The following ABCA13 variants were observed in gnomAD, a reference collection of about 807,000 sequenced individuals.
ABCA13 encodes the protein ATP binding cassette subfamily A member 13.
In ABCA13, 476 loss-of-function variants were observed where a neutral mutation model predicts 478.7. The ratio of observed to expected loss-of-function variants is 0.99; its 90% CI spans 0.92 to 1.07. ABCA13 has a LOEUF of 1.07. ABCA13 is among the 50% of genes least tolerant of loss of function. The pLI is 0.00. For missense variants in ABCA13, 6,060 were observed against 5,910.6 expected, an observed-to-expected ratio of 1.03 and a Z score of -0.83; for synonymous variants, 2,252 against 2,158.9, an observed-to-expected ratio of 1.04 and a Z score of -1.20.
At chr7:48,595,626 T>C (rs778923973) in intron 58 of ABCA13, among the ~76,000 whole-genome samples, 32 of 152,084 alleles carry the variant, frequency 2.1e-4, no homozygotes, top group Non-Finnish European at 3.5e-4. Flanking sequence ...GTAGCCAGAG[T>C]GTCAGCATGG....
At chr7:48,314,515 C>T in intron 26 of ABCA13, 106 bp downstream of exon 26, 1 of 1,070,612 alleles carries the variant, frequency 9.3e-7, no homozygotes, top group Non-Finnish European at 1.3e-6. Context: ...TTGCTATATA[C>T]TGGCATAGAA....
chr7:48,444,463 G>A (rs1484091224), intron 42 of ABCA13, among the ~76,000 whole-genome samples: 1 of 152,132 alleles, frequency 6.6e-6, no homozygotes, highest in Non-Finnish European at 1.5e-5. Flanking sequence ...TCTCTAAGCT[G>A]TATCCAGCAT....
chr7:48,403,626 T>A (rs993250945), intron 38 of ABCA13, 57 bp from the exon 39 acceptor site: 2 of 1,542,818 alleles, frequency 1.3e-6, no homozygotes, highest in Admixed American at 3.7e-5. Flanking sequence ...GGAGTGAAAT[T>A]AGAAGCAAAG....
At chr7:48,424,396 G>T (rs528093949) in intron 41 of ABCA13, among the ~76,000 whole-genome samples, 2 of 152,200 alleles carry the variant, frequency 1.3e-5, no homozygotes, top group African/African-American at 4.8e-5. Flanking sequence ...AGATAAGAAG[G>T]AATACAGTGA....
rs1796175928 is a variant in ABCA13, at chr7:48,275,459, A to G, written c.5793A>G (p.Ser1931=). The G allele has an allele frequency of 1.9e-6, 3 of 1,613,934 alleles. No individual in the cohort carries two copies. Among genetic ancestry groups the G allele is most frequent in the Non-Finnish European group, 2.5e-6 (3 of 1,179,856 alleles). The change falls in exon 17 of 62, where the codon TCA becomes TCG. Residue 1931 remains serine, a synonymous_variant. Coordinates refer to ENST00000435803, the MANE Select transcript of ABCA13 (RefSeq NM_152701.5). ...AGATATTACCGTTTGTCCCACCTTC[A>G]ATAAATCAAACTAGGGATAGCATCT... ...WHKILPFVPP[S]INQTRDSISE...
In ABCA13 at chr7:48,316,790, G is replaced by C. The variant is rs181445367; in HGVS notation, c.9860-367G>C. ...CACAGGACAAGAGAGGAAGCAAGAG[G>C]GGGGAGGAGGGAGATGCCAGGCTGT... On this transcript the variant is annotated intron_variant, in intron 26 of 61. Coordinates refer to ENST00000435803, the MANE Select transcript of ABCA13 (RefSeq NM_152701.5). 3.9e-3 allele frequency among the ~76,000 whole-genome samples: 589 copies of C among 152,308 alleles called. 5 individuals carry two copies. The highest frequency in any genetic ancestry group is 6.7e-3 in the Non-Finnish European group (455 of 68,024).
chr7:48,556,575 T>A (rs1023811155), intron 55 of ABCA13, among the ~76,000 whole-genome samples: 10 of 152,186 alleles, frequency 6.6e-5, no homozygotes, highest in South Asian at 4.1e-4. Context: ...TGTCTCTTCT[T>A]ATGGATTTTG....
intron 42 of ABCA13, among the ~76,000 whole-genome samples, chr7:48,452,910 C>A (rs1020546179): frequency 6.6e-6 from 1 of 152,090 alleles, no homozygotes; most frequent in Non-Finnish European, 1.5e-5. Context: ...AAATACTTAT[C>A]CTAATAAATA....
intron 17 of ABCA13, among the ~76,000 whole-genome samples, 157 bp downstream of exon 17, chr7:48,276,722 G>C (rs1796356431): frequency 6.6e-6 from 1 of 152,148 alleles, no homozygotes; most frequent in Non-Finnish European, 1.5e-5. Flanking sequence ...TTATCAAAAT[G>C]TCAAGGTAAA....
chr7:48,566,746 G>A (rs894163753), intron 55 of ABCA13, among the ~76,000 whole-genome samples: 4 of 152,206 alleles, frequency 2.6e-5, no homozygotes, highest in African/African-American at 4.8e-5. Flanking sequence ...GTTGGTCTTC[G>A]TAGATCCTTA....
At chr7:48,348,023 C>G (rs1213126677) in intron 29 of ABCA13, among the ~76,000 whole-genome samples, 1 of 152,190 alleles carries the variant, frequency 6.6e-6, no homozygotes, top group East Asian at 1.9e-4. Context: ...TCCATCTGAC[C>G]CATAGTCCAC....
At chr7:48,203,712 A>T (rs2081961662) in intron 3 of ABCA13, among the ~76,000 whole-genome samples, 1 of 152,202 alleles carries the variant, frequency 6.6e-6, no homozygotes, top group African/African-American at 2.4e-5. Context: ...TTTAATTTAA[A>T]ATGCTTTGTA....
chr7:48,230,035 A>G lies in ABCA13; in HGVS notation c.763+80A>G, dbSNP rs535590945. 4.9e-6 allele frequency: 7 copies of G among 1,430,684 alleles called. No homozygotes were observed. The African/African-American group carries it at 5.7e-5, about 12-fold the overall frequency. 88.6% of individuals were successfully genotyped at this position (1,430,684 alleles called of 1,614,324 possible). Reference sequence around the variant, plus strand: ...CATTGACAGTTGACATAGAGCTAAAATGATGTTCAAAATGATTTAATTAAA... The same window carrying G: ...CATTGACAGTTGACATAGAGCTAAAGTGATGTTCAAAATGATTTAATTAAA... On this transcript the variant is annotated intron_variant, in intron 7 of 61. Coordinates refer to ENST00000435803, the MANE Select transcript of ABCA13 (RefSeq NM_152701.5).
chr7:48,422,569 G>A (rs548718335), intron 41 of ABCA13, among the ~76,000 whole-genome samples: 3 of 152,198 alleles, frequency 2.0e-5, no homozygotes, highest in East Asian at 1.9e-4. Flanking sequence ...TTTTGTGTTG[G>A]ACTCCAAAAT....
At chr7:48,326,291 T>C (rs1584858174) in intron 27 of ABCA13, among the ~76,000 whole-genome samples, 1 of 152,180 alleles carries the variant, frequency 6.6e-6, no homozygotes, top group East Asian at 1.9e-4. Context: ...CAAGGGAGAA[T>C]GTCTAAAAGG....
intron 59 of ABCA13, among the ~76,000 whole-genome samples, chr7:48,623,409 T>C (rs371082391): frequency 6.6e-6 from 1 of 152,220 alleles, no homozygotes; most frequent in East Asian, 1.9e-4. Context: ...GATAACATAA[T>C]CGATTTCCCT....
chr7:48,314,658 T>C (rs1802284871), intron 26 of ABCA13, among the ~76,000 whole-genome samples: 1 of 152,166 alleles, frequency 6.6e-6, no homozygotes, highest in Non-Finnish European at 1.5e-5. Context: ...CTAAAACACC[T>C]GAAACCCCAG....
chr7:48,183,991 T>G (rs1796040489), intron 1 of ABCA13, among the ~76,000 whole-genome samples: 1 of 152,236 alleles, frequency 6.6e-6, no homozygotes, highest in Non-Finnish European at 1.5e-5. Flanking sequence ...TTAATATGGT[T>G]CAATTTACTA....
intron 59 of ABCA13, chr7:48,627,123 C>A: frequency 1.2e-6 from 1 of 856,934 alleles, no homozygotes; most frequent in Non-Finnish European, 1.4e-6. Flanking sequence ...CTTATTTAAT[C>A]TTTATTACGT....
Sources: allele counts gnomAD v4.1 joint callset (sites outside exome capture counted in the v4.1 genomes callset), GRCh38; gene constraint gnomAD v4.1.1; transcripts MANE v1.5; gene names NCBI Gene and HGNC (gene_info 2026-07-23, HGNC 2026-07-21).